AGBL4: variants seen among roughly 807,000 people sequenced by gnomAD.
AGBL4 encodes the protein AGBL carboxypeptidase 4.
In AGBL4, 58 loss-of-function variants were observed where a neutral mutation model predicts 66.4. The ratio of observed to expected loss-of-function variants is 0.87; its 90% CI spans 0.71 to 1.09. The LOEUF is 1.09. AGBL4 is among the 50% of genes least tolerant of loss of function. The pLI, the probability that AGBL4 is intolerant of heterozygous loss-of-function variation, is 0.00. For synonymous variants in AGBL4, 234 were observed against 222.9 expected (o/e 1.05, Z -0.44); for missense variants, 579 against 631.0 (o/e 0.92, Z 0.88).
chr1:48,558,867 C>T (rs1254106513), intron 11 of AGBL4, among the ~76,000 whole-genome samples: 1 of 152,088 alleles, frequency 6.6e-6, no homozygotes, highest in African/African-American at 2.4e-5. Flanking sequence ...CCCTTGCAAC[C>T]AAATTTTGGC....
At chr1:48,572,514 T>G (rs1422084148) in intron 11 of AGBL4, among the ~76,000 whole-genome samples, 4 of 151,286 alleles carry the variant, frequency 2.6e-5, no homozygotes, top group Admixed American at 2.6e-4. Flanking sequence ...GTAATAAAGT[T>G]ATGTGCAAAT....
chr1:49,714,196 T>C (rs948979262), intron 2 of AGBL4, among the ~76,000 whole-genome samples: 1 of 152,004 alleles, frequency 6.6e-6, no homozygotes, highest in African/African-American at 2.4e-5. Flanking sequence ...GTACTCCTGC[T>C]TGATTGCCTG....
chr1:48,570,959 C>A (rs1179297059), intron 11 of AGBL4, among the ~76,000 whole-genome samples: 1 of 152,202 alleles, frequency 6.6e-6, no homozygotes, highest in Non-Finnish European at 1.5e-5. Context: ...TCCAGGCAAT[C>A]AGATGGCCTC....
In AGBL4 at chr1:48,716,921, G is replaced by A. The variant is rs138279470; in HGVS notation, c.635-53680C>T. On this transcript the variant is annotated intron_variant, in intron 6 of 13. Transcript: ENST00000371839. ...CAGGTAAGAAGGGGCACAGAAGTGC[G>A]TAGCACCAACTCACATTCCTATATT... 4.9e-3 allele frequency among the ~76,000 whole-genome samples: 749 copies of A among 152,304 alleles called. 7 individuals carry two copies. Among genetic ancestry groups the A allele is most frequent in the African/African-American group, 0.016 (684 of 41,562 alleles).
intron 3 of AGBL4, among the ~76,000 whole-genome samples, chr1:49,620,381 T>C (rs1645335923): frequency 6.6e-6 from 1 of 152,186 alleles, no homozygotes; most frequent in African/African-American, 2.4e-5. Context: ...TCATCATCAC[T>C]GGTCATTACA....
chr1:49,547,899 G>C (rs1211835948), intron 3 of AGBL4, among the ~76,000 whole-genome samples: 2 of 151,930 alleles, frequency 1.3e-5, no homozygotes, highest in Non-Finnish European at 2.9e-5. Context: ...TCAGCCTCCT[G>C]AGTAGCTGGG....
intron 9 of AGBL4, among the ~76,000 whole-genome samples, chr1:48,618,794 G>A (rs929117242): frequency 3.9e-5 from 6 of 152,226 alleles, no homozygotes; most frequent in African/African-American, 1.4e-4. Flanking sequence ...AGTTCATTCT[G>A]GACTTTTCGA....
chr1:49,267,871 T>C (rs1314992590), intron 3 of AGBL4, among the ~76,000 whole-genome samples: 1 of 151,966 alleles, frequency 6.6e-6, no homozygotes, highest in Non-Finnish European at 1.5e-5. Context: ...TCAGATCTCA[T>C]GAGATGTATT....
At chr1:49,120,454 G>C (rs1645629346) in intron 4 of AGBL4, among the ~76,000 whole-genome samples, 1 of 152,116 alleles carries the variant, frequency 6.6e-6, no homozygotes, top group Non-Finnish European at 1.5e-5. Flanking sequence ...GGCTGGGTAT[G>C]AAAAGTTGAA....
intron 5 of AGBL4, among the ~76,000 whole-genome samples, chr1:48,943,385 A>G (rs1188774485): frequency 6.6e-6 from 1 of 152,190 alleles, no homozygotes; most frequent in East Asian, 1.9e-4. Context: ...TGAGACACTG[A>G]GCTTCTCAGA....
chr1:48,539,571 A>C, intron 12 of AGBL4, 71 bp downstream of exon 12: 1 of 1,244,952 alleles, frequency 8.0e-7, no homozygotes, highest in Non-Finnish European at 1.1e-6. Flanking sequence ...GCAAAAGGCT[A>C]AGGGAAGTTG....
At chr1:49,738,248 A>C (rs961495800) in intron 2 of AGBL4, among the ~76,000 whole-genome samples, 5 of 152,220 alleles carry the variant, frequency 3.3e-5, no homozygotes, top group Non-Finnish European at 5.9e-5. Flanking sequence ...AATGGCACAC[A>C]AGGAGATTGT....
chr1:49,731,457 A>G (rs1649442509), intron 2 of AGBL4, among the ~76,000 whole-genome samples: 1 of 152,236 alleles, frequency 6.6e-6, no homozygotes, highest in African/African-American at 2.4e-5. Flanking sequence ...TACACAGCAG[A>G]CGAATAATAA....
intron 11 of AGBL4, among the ~76,000 whole-genome samples, chr1:48,565,638 G>A (rs1389483719): frequency 6.6e-6 from 1 of 152,150 alleles, no homozygotes; most frequent in Non-Finnish European, 1.5e-5. Flanking sequence ...AATAGTGCAG[G>A]CTGTGGAATT....
Position 49,498,003 on chromosome 1 carries a change from C to T in AGBL4, c.282+199310G>A, listed in dbSNP as rs550048053. Among the ~76,000 whole-genome samples, 188 of 152,062 alleles carry T rather than the reference C, an allele frequency of 1.2e-3. 1 individual carries two copies. Among genetic ancestry groups the T allele is most frequent in the African/African-American group, 4.3e-3 (180 of 41,560 alleles). On this transcript the variant is annotated intron_variant, in intron 3 of 13. Transcript: ENST00000371839. ...TTAACAATATTCCAATTTATGAACA[C>T]GGTATGTCTTACCATCTATTTGTAT...
At chr1:49,446,583 A>G (rs191694649) in intron 3 of AGBL4, among the ~76,000 whole-genome samples, 2 of 152,318 alleles carry the variant, frequency 1.3e-5, no homozygotes, top group East Asian at 1.9e-4. Flanking sequence ...TTGTGGCATC[A>G]GTTGGCTAAG....
chr1:49,376,850 A>C (rs1363894051), intron 3 of AGBL4, among the ~76,000 whole-genome samples: 1 of 152,102 alleles, frequency 6.6e-6, no homozygotes, highest in Non-Finnish European at 1.5e-5. Context: ...TAAAACATAA[A>C]TTCTCTTAGA....
At chr1:49,051,084 A>T (rs1205476889) in intron 4 of AGBL4, among the ~76,000 whole-genome samples, 2 of 152,108 alleles carry the variant, frequency 1.3e-5, no homozygotes, top group Admixed American at 6.6e-5. Context: ...GAAAGACAGG[A>T]GCCCTAATTT....
At chr1:49,245,513 G>C (rs1037670879) in intron 4 of AGBL4, among the ~76,000 whole-genome samples, 3 of 151,696 alleles carry the variant, frequency 2.0e-5, no homozygotes, top group African/African-American at 7.3e-5. Context: ...GTCATCCCAA[G>C]CACAGGACCA....
Sources: gnomAD v4.1 joint callset for allele counts (sites outside exome capture counted in the v4.1 genomes callset) on GRCh38, gnomAD v4.1.1 for gene constraint, MANE v1.5 for transcripts, NCBI Gene and HGNC (gene_info 2026-07-23, HGNC 2026-07-21) for gene names.